The following ARHGAP42 variants were observed in gnomAD, a reference collection of about 807,000 sequenced individuals.
ARHGAP42 encodes rho GTPase-activating protein 42.
In ARHGAP42, 63 loss-of-function variants were observed where a neutral mutation model predicts 125.0. That is an observed-to-expected ratio of 0.50 (90% CI 0.41 to 0.62). ARHGAP42 has a LOEUF of 0.62. Ranked by LOEUF, ARHGAP42 falls within the 20% of genes least tolerant of loss-of-function variation. The pLI is 0.00. For missense variants in ARHGAP42, 766 were observed against 1,024.2 expected (o/e 0.75, Z 3.44); for synonymous variants, 339 against 351.0 (o/e 0.97, Z 0.38).
intron 3 of ARHGAP42, among the ~76,000 whole-genome samples, chr11:100,857,816 C>CAAT (rs1865356965): frequency 1.3e-5 from 2 of 152,032 alleles, no homozygotes; most frequent in Non-Finnish European, 2.9e-5. Flanking sequence ...ATGCATCTGT[C>CAAT]AATACTACAG....
At chr11:100,743,727 A>T (rs1467434009) in intron 1 of ARHGAP42, among the ~76,000 whole-genome samples, 1 of 152,094 alleles carries the variant, frequency 6.6e-6, no homozygotes, top group African/African-American at 2.4e-5. Context: ...GCCATTTTTC[A>T]TAATCTCATA....
intron 3 of ARHGAP42, among the ~76,000 whole-genome samples, chr11:100,837,583 T>C (rs1287923477): frequency 6.7e-6 from 1 of 149,594 alleles, no homozygotes; most frequent in African/African-American, 2.5e-5. Context: ...TGGATAAGCA[T>C]AATGAAGGCA....
intron 2 of ARHGAP42, among the ~76,000 whole-genome samples, chr11:100,780,517 C>T (rs1328234775): frequency 6.6e-6 from 1 of 152,212 alleles, no homozygotes; most frequent in Non-Finnish European, 1.5e-5. Flanking sequence ...AGTTGGTCCA[C>T]CTGACCCACC....
chr11:100,984,280 C>A (rs1858618961), intron 22 of ARHGAP42, among the ~76,000 whole-genome samples: 1 of 151,766 alleles, frequency 6.6e-6, no homozygotes, highest in Admixed American at 6.6e-5. Flanking sequence ...TACATGAGTT[C>A]TTCAATAGCA....
chr11:100,937,210 T>A (rs912111318), intron 8 of ARHGAP42, among the ~76,000 whole-genome samples: 2 of 152,106 alleles, frequency 1.3e-5, no homozygotes, highest in Non-Finnish European at 2.9e-5. Flanking sequence ...GAGATCTGGG[T>A]TTTAGAATGT....
At position 100,980,559 on chromosome 11, in the gene ARHGAP42, C is replaced by CTTTTTTTTTTTTTTTTTTTTTTTTTTT. The variant is rs763302463; in HGVS notation, c.2456+1514_2456+1540dup. Among the ~76,000 whole-genome samples, 15 of 51,954 alleles carry CTTTTTTTTTTTTTTTTTTTTTTTTTTT rather than the reference C, an allele frequency of 2.9e-4. 4 individuals carry two copies. In the East Asian group the frequency reaches 7.7e-3, roughly 27 times the overall value. 34.1% of individuals were successfully genotyped at this position (51,954 alleles called of 152,430 possible). A position where few individuals can be genotyped will look rare whatever the true frequency, so the allele number is the denominator to read the frequency against. On this transcript the variant is annotated intron_variant, in intron 22 of 23. Transcript: ENST00000298815. ...TCAAATCATACTTCTTTTTCTTCTT[C>CTTTTTTTTTTTTTTTTTTTTTTTTTTT]TTTTTTTTTTTTTTTTTTTTTTTTT...
At chr11:100,748,813 G>A (rs1225965635) in intron 1 of ARHGAP42, among the ~76,000 whole-genome samples, 1 of 145,844 alleles carries the variant, frequency 6.9e-6, no homozygotes, top group Admixed American at 6.9e-5. Context: ...GGTGGTATTG[G>A]AGTGTTACAG....
chr11:100,820,398 G>A (rs1864377179), intron 3 of ARHGAP42, among the ~76,000 whole-genome samples: 1 of 152,084 alleles, frequency 6.6e-6, no homozygotes, highest in East Asian at 1.9e-4. Flanking sequence ...CTCATCAGTA[G>A]AGGGACTCCT....
rs181495168 is a variant in ARHGAP42, at chr11:100,701,409, A to G, written c.154+13577A>G. On this transcript the variant is annotated intron_variant, in intron 1 of 23. Coordinates refer to ENST00000298815, the MANE Select transcript of ARHGAP42 (RefSeq NM_152432.4). ...CATTGACTTCTCCTCTGTAGCTATG[A>G]AAGTCCTACATGGCATCTTCTTCCA... is the stretch of plus-strand genomic sequence containing the variant. Among the ~76,000 whole-genome samples the G allele has an allele frequency of 1.8e-3, 275 of 152,284 alleles. 1 individual carries two copies. Among genetic ancestry groups the G allele is most frequent in the Non-Finnish European group, 9.0e-4 (61 of 68,006 alleles).
intron 3 of ARHGAP42, among the ~76,000 whole-genome samples, chr11:100,830,214 C>G (rs900375238): frequency 3.3e-5 from 5 of 152,156 alleles, no homozygotes; most frequent in Non-Finnish European, 2.9e-5. Flanking sequence ...ATTTCCCAAG[C>G]TTGACGAGAC....
intron 4 of ARHGAP42, among the ~76,000 whole-genome samples, chr11:100,897,870 A>G (rs1008989120): frequency 6.6e-6 from 1 of 152,128 alleles, no homozygotes; most frequent in Non-Finnish European, 1.5e-5. Flanking sequence ...AGAACTTCCA[A>G]CACTATGTTG....
intron 16 of ARHGAP42, 24 bp from the exon 17 acceptor site, chr11:100,965,647 T>G (rs1415796610): frequency 6.5e-7 from 1 of 1,534,484 alleles, no homozygotes; most frequent in Non-Finnish European, 8.8e-7. Flanking sequence ...AACTTGAGCA[T>G]TTGCAATCTT....
intron 1 of ARHGAP42, among the ~76,000 whole-genome samples, chr11:100,703,905 A>G (rs1861437443): frequency 6.6e-6 from 1 of 152,216 alleles, no homozygotes. Context: ...AAGACAGACA[A>G]TGGCTTAGAA....
At chr11:100,693,034 A>G (rs918370997) in intron 1 of ARHGAP42, among the ~76,000 whole-genome samples, 1 of 152,224 alleles carries the variant, frequency 6.6e-6, no homozygotes, top group African/African-American at 2.4e-5. Context: ...AAAAGGGGGA[A>G]AAAGGCAAGT....
chr11:100,887,568 A>C (rs1270782819), intron 4 of ARHGAP42, among the ~76,000 whole-genome samples: 1 of 152,204 alleles, frequency 6.6e-6, no homozygotes, highest in Non-Finnish European at 1.5e-5. Flanking sequence ...TAACTATTTC[A>C]TTTGAAGCAT....
intron 3 of ARHGAP42, among the ~76,000 whole-genome samples, chr11:100,845,439 G>A (rs1200083658): frequency 1.3e-5 from 2 of 152,012 alleles, no homozygotes; most frequent in African/African-American, 4.8e-5. Flanking sequence ...AATCTCACCA[G>A]TCACCACTAA....
intron 22 of ARHGAP42, among the ~76,000 whole-genome samples, chr11:100,980,621 A>T (rs1298795488): frequency 8.7e-6 from 1 of 114,562 alleles, no homozygotes; most frequent in African/African-American, 3.3e-5. Flanking sequence ...ACCAGGCTGG[A>T]GTGCAGTGGT....
intron 2 of ARHGAP42, among the ~76,000 whole-genome samples, chr11:100,772,039 C>T (rs1033329900): frequency 2.6e-5 from 4 of 152,200 alleles, no homozygotes; most frequent in Non-Finnish European, 4.4e-5. Flanking sequence ...TCTCCACAAT[C>T]ACATTCCTCT....
At chr11:100,712,052 T>C (rs1401335349) in intron 1 of ARHGAP42, among the ~76,000 whole-genome samples, 1 of 152,220 alleles carries the variant, frequency 6.6e-6, no homozygotes, top group Non-Finnish European at 1.5e-5. Context: ...TGATCTCAAT[T>C]ATGATACTCT....
Sources: gnomAD v4.1 joint callset for allele counts (sites outside exome capture counted in the v4.1 genomes callset) on GRCh38, gnomAD v4.1.1 for gene constraint, MANE v1.5 for transcripts, NCBI Gene and HGNC (gene_info 2026-07-23, HGNC 2026-07-21) for gene names.